The following KDM2B variants were observed in gnomAD, a reference collection of about 807,000 sequenced individuals.
KDM2B encodes lysine demethylase 2B, also known as lysine-specific demethylase 2B.
A neutral mutation model predicts 150.0 loss-of-function variants in KDM2B; 26 were observed. That is an observed-to-expected ratio of 0.17 (90% CI 0.13 to 0.24). KDM2B has a LOEUF of 0.24. KDM2B is among the 10% of genes least tolerant of loss of function. The probability of loss-of-function intolerance (pLI) is 1.00; values close to 1 mark genes in which losing one functional copy is unlikely to be tolerated. For missense variants in KDM2B, 1,265 were observed against 1,816.9 expected, an observed-to-expected ratio of 0.70 and a Z score of 5.52; for synonymous variants, 734 against 729.5, an observed-to-expected ratio of 1.01 and a Z score of -0.10.
At chr12:121,481,281 C>A (rs1555297830) in intron 12 of KDM2B, among the ~76,000 whole-genome samples, 1 of 152,032 alleles carries the variant, frequency 6.6e-6, no homozygotes, top group African/African-American at 2.4e-5. Context: ...TGTTTCTGTT[C>A]GTTGGTGGAA....
chr12:121,413,236 A>T, the KDM2B span, among the ~76,000 whole-genome samples: 13 of 151,028 alleles, frequency 8.6e-5, no homozygotes, highest in Non-Finnish European at 1.9e-4. Flanking sequence ...CATGTTGTCC[A>T]GGCTGTTCTT....
Position 121,507,476 on chromosome 12 carries a change from G to C in KDM2B, c.1647+2091C>G, listed in dbSNP as rs559785997. Among the ~76,000 whole-genome samples, 17 of 152,358 alleles carry C rather than the reference G, an allele frequency of 1.1e-4. No homozygotes were observed. The South Asian group carries it at 3.3e-3, about 30-fold the overall frequency. ...GATGCCTCATTTCATATTATCACGA[G>C]CTGCCCGTGATTCCCCTGTGGGGAA... On this transcript the variant is annotated intron_variant, in intron 11 of 22. Coordinates refer to ENST00000377071, the MANE Select transcript of KDM2B (RefSeq NM_032590.5).
At chr12:121,443,550 A>C in intron 17 of KDM2B, 130 bp downstream of exon 17, 1 of 677,248 alleles carries the variant, frequency 1.5e-6, no homozygotes, top group Non-Finnish European at 2.6e-6. Context: ...CGAGCCAGAG[A>C]TCTGGGGCCG....
At chr12:121,496,683 G>C (rs1555301076) in intron 11 of KDM2B, among the ~76,000 whole-genome samples, 1 of 152,016 alleles carries the variant, frequency 6.6e-6, no homozygotes, top group Non-Finnish European at 1.5e-5. Context: ...GTACAGATGG[G>C]TTCTCACCAT....
At chr12:121,541,592 CCT>C (rs2141820001) in intron 6 of KDM2B, among the ~76,000 whole-genome samples, 1 of 151,854 alleles carries the variant, frequency 6.6e-6, no homozygotes, top group African/African-American at 2.4e-5. Context: ...CAGCCCAGTG[CCT>C]CTGTTTCCTC....
At chr12:121,536,660 G>GTT (rs71079076) in intron 6 of KDM2B, among the ~76,000 whole-genome samples, 28 of 141,600 alleles carry the variant, frequency 2.0e-4, no homozygotes, top group Non-Finnish European at 2.3e-4. Context: ...CTTCGTCTTG[G>GTT]TTTTTTTTTT....
rs1460999473 is a variant in KDM2B, at chr12:121,520,052, C to T, written c.1047+933G>A. Among the ~76,000 whole-genome samples the T allele has an allele frequency of 2.0e-5, 3 of 152,064 alleles. No individual in the cohort carries two copies. Among genetic ancestry groups the T allele is most frequent in the African/African-American group, 7.2e-5 (3 of 41,398 alleles). ...GGACTACAGGCGTACACCACCACGC[C>T]CAGCTTTTTTGTATTTTTGGTAAAG... On this transcript the variant is annotated intron_variant, in intron 9 of 22. Transcript: ENST00000377071. This position sits in a 1 kb window ranked among gnomAD's most constrained non-coding sequence, Gnocchi z 4.5.
intron 22 of KDM2B, among the ~76,000 whole-genome samples, chr12:121,434,828 G>A (rs1253114982): frequency 7.2e-5 from 11 of 152,106 alleles, no homozygotes; most frequent in Middle Eastern, 3.4e-3. Context: ...GTGGTGGCAC[G>A]TGCCTGTAGT....
rs1353106164 is a variant in KDM2B at position 121,444,168 on chromosome 12, C to G, written c.2295G>C (p.Lys765Asn). Residue 765 changes from lysine (K) to asparagine (N), a missense_variant, in exon 16 of 23, where the codon AAG becomes AAC. By Grantham distance (94) the Lys-to-Asn change is moderately conservative. Coordinates refer to ENST00000377071, the MANE Select transcript of KDM2B (RefSeq NM_032590.5). Reference protein sequence around the residue: ...RDNKEGQEPAKRRSECEEAPR... With the variant: ...RDNKEGQEPANRRSECEEAPR... ...GCGCCTCCTCACACTCACTCCTCCG[C>G]TTGGCAGGTTCCTGCCCTTCCTTGT... 6.2e-7 allele frequency: 1 copy of G among 1,612,588 alleles called. No homozygotes were observed. The highest frequency in any genetic ancestry group is 2.2e-5 in the East Asian group (1 of 44,900).
chr12:121,432,453 T>TA (rs1239220473), intron 22 of KDM2B, among the ~76,000 whole-genome samples: 1 of 152,208 alleles, frequency 6.6e-6, no homozygotes, highest in Non-Finnish European at 1.5e-5. Context: ...GTTGACCAGT[T>TA]AGATTTGAAC....
intron 22 of KDM2B, among the ~76,000 whole-genome samples, chr12:121,439,402 G>A (rs1555287573): frequency 1.5e-5 from 2 of 137,536 alleles, no homozygotes; most frequent in Non-Finnish European, 3.1e-5. Context: ...TTTTTTTTGA[G>A]ACAGTTTTGG....
chr12:121,437,893 T>TTA (rs1328237927), intron 22 of KDM2B, among the ~76,000 whole-genome samples: 11 of 152,136 alleles, frequency 7.2e-5, no homozygotes, highest in African/African-American at 2.6e-4. Context: ...GGGAATTTTT[T>TTA]TTTTTTTTAA....
At chr12:121,411,503 T>G in the KDM2B span, among the ~76,000 whole-genome samples, 1 of 152,134 alleles carries the variant, frequency 6.6e-6, no homozygotes, top group African/African-American at 2.4e-5. Flanking sequence ...AAAATTGTAT[T>G]CTTCCCTAAT....
intron 11 of KDM2B, among the ~76,000 whole-genome samples, chr12:121,499,875 G>A (rs936329811): frequency 8.6e-5 from 13 of 151,900 alleles, no homozygotes; most frequent in Non-Finnish European, 7.4e-5. Context: ...ACTTGAACCC[G>A]GAGGCAGAGG....
intron 12 of KDM2B, among the ~76,000 whole-genome samples, chr12:121,472,862 G>T (rs1293367175): frequency 6.6e-6 from 1 of 152,152 alleles, no homozygotes; most frequent in South Asian, 2.1e-4. Flanking sequence ...AAAAACATGA[G>T]AAGCTAAATA....
rs1436772842 is a variant in KDM2B at position 121,496,204 on chromosome 12, GT to G, written c.1648-1540del. Among the ~76,000 whole-genome samples, 8 of 151,594 alleles carry G rather than the reference GT, an allele frequency of 5.3e-5. No homozygotes were observed. In the South Asian group the frequency reaches 1.7e-3, roughly 32 times the overall value. ...TCTGCCCCAGGACCACCCACATAGG[GT>G]TTTTTTTGGCTACATCCACACATCC... is the stretch of plus-strand genomic sequence containing the variant. On this transcript the variant is annotated intron_variant, in intron 11 of 22. Transcript: ENST00000377071.
chr12:121,571,037 A>C (rs1891051154), intron 4 of KDM2B, among the ~76,000 whole-genome samples: 1 of 152,236 alleles, frequency 6.6e-6, no homozygotes, highest in Non-Finnish European at 1.5e-5. Flanking sequence ...CTCATGCTGC[A>C]ACATGGATTG....
At chr12:121,543,822 C>A (rs1555310122) in intron 6 of KDM2B, among the ~76,000 whole-genome samples, 1 of 150,146 alleles carries the variant, frequency 6.7e-6, no homozygotes, top group Non-Finnish European at 1.5e-5. Context: ...GTCTAAAAAA[C>A]AAAAAACAAA....
At chr12:121,478,571 G>C (rs1881663163) in intron 12 of KDM2B, among the ~76,000 whole-genome samples, 1 of 151,490 alleles carries the variant, frequency 6.6e-6, no homozygotes, top group African/African-American at 2.4e-5. Context: ...GTGTTAACCA[G>C]GATGGTCTCG....
Sources: allele counts gnomAD v4.1 joint callset (sites outside exome capture counted in the v4.1 genomes callset), GRCh38; gene constraint gnomAD v4.1.1; non-coding constraint Gnocchi (gnomAD v3.1); transcripts MANE v1.5; gene names NCBI Gene and HGNC (gene_info 2026-07-23, HGNC 2026-07-21).